Variants in CCDC171 observed in about 807,000 individuals in gnomAD.
The protein encoded by CCDC171 is coiled-coil domain-containing protein 171.
Under a neutral mutation model 168.2 loss-of-function variants are expected in CCDC171, and 177 were observed. The observed-to-expected ratio is 1.05, with a 90% confidence interval of 0.93 to 1.19. The LOEUF (loss-of-function observed/expected upper bound fraction) is 1.19. Among genes scored for constraint, CCDC171 ranks in the 50% most tolerant of loss-of-function variants. CCDC171 has a pLI of 0.00. For missense variants in CCDC171, 1,991 were observed against 1,539.0 expected, an observed-to-expected ratio of 1.29 and a Z score of -4.91; for synonymous variants, 687 against 540.8, an observed-to-expected ratio of 1.27 and a Z score of -3.75.
At chr9:15,951,506 C>T (rs983701149) in intron 25 of CCDC171, among the ~76,000 whole-genome samples, 1 of 150,390 alleles carries the variant, frequency 6.6e-6, no homozygotes, top group Admixed American at 6.7e-5. Flanking sequence ...CCTGCCAACA[C>T]TTGTGATTAT....
intron 21 of CCDC171, among the ~76,000 whole-genome samples, chr9:15,794,899 C>G (rs6474974): frequency 0.45 from 68,954 of 152,036 alleles, 15,974 homozygotes; most frequent in East Asian, 0.65. Flanking sequence ...GATCTGTAGT[C>G]TTAATTGGAA....
intron 25 of CCDC171, among the ~76,000 whole-genome samples, chr9:15,936,593 A>C (rs1321346006): frequency 6.6e-6 from 1 of 151,940 alleles, no homozygotes; most frequent in African/African-American, 2.4e-5. Flanking sequence ...GCATTTCAAC[A>C]GTTGTATGTT....
At chr9:15,737,365 T>C (rs12377371) in intron 16 of CCDC171, among the ~76,000 whole-genome samples, 2 of 152,010 alleles carry the variant, frequency 1.3e-5, no homozygotes, top group African/African-American at 4.8e-5. Context: ...AAAAGAATGC[T>C]ATACATTTAG....
At chr9:15,712,505 C>G (rs1385803623) in intron 11 of CCDC171, among the ~76,000 whole-genome samples, 1 of 152,146 alleles carries the variant, frequency 6.6e-6, no homozygotes, top group Non-Finnish European at 1.5e-5. Flanking sequence ...AATGCATTCT[C>G]TGATCAGAAG....
chr9:15,947,127 T>C (rs1023805158), intron 25 of CCDC171, among the ~76,000 whole-genome samples: 5 of 152,036 alleles, frequency 3.3e-5, no homozygotes, highest in Admixed American at 6.6e-5. Context: ...ATTTGGATAA[T>C]GGAAGAACAA....
In CCDC171 at chr9:15,874,515, T is replaced by A. The variant is rs766432519; in HGVS notation, c.3469-17T>A. The A allele has an allele frequency of 6.3e-7, 1 of 1,579,614 alleles. No individual in the cohort carries two copies. The highest frequency in any genetic ancestry group is 1.8e-5 in the Admixed American group (1 of 55,842). On this transcript the variant is annotated splice_polypyrimidine_tract_variant and intron_variant, in intron 23 of 25. Coordinates refer to ENST00000380701, the MANE Select transcript of CCDC171 (RefSeq NM_173550.4). Reference sequence around the variant, plus strand: ...TCTGAAGGGGAATTACCATTGATGCTGTTTTTTTCCCTTTAGGTCAGAGAT... The same window carrying A: ...TCTGAAGGGGAATTACCATTGATGCAGTTTTTTTCCCTTTAGGTCAGAGAT...
intron 7 of CCDC171, among the ~76,000 whole-genome samples, chr9:15,648,066 A>G (rs142939394): frequency 0.017 from 2,651 of 152,306 alleles, 77 homozygotes; most frequent in African/African-American, 0.059. Flanking sequence ...AGTGGGCTTC[A>G]TCCCTGGGAT....
intron 6 of CCDC171, among the ~76,000 whole-genome samples, chr9:15,597,516 G>C (rs892360362): frequency 6.6e-6 from 1 of 152,152 alleles, no homozygotes; most frequent in Non-Finnish European, 1.5e-5. Context: ...TGGTGGATAA[G>C]CTTTTTGGTG....
At position 15,652,502 on chromosome 9, in the gene CCDC171, C is replaced by T. The variant is rs1373074596; in HGVS notation, c.823-4625C>T. Among the ~76,000 whole-genome samples the T allele has an allele frequency of 5.3e-5, 8 of 150,674 alleles. No individual in the cohort carries two copies. In the East Asian group the frequency reaches 1.6e-3, roughly 29 times the overall value. On this transcript the variant is annotated intron_variant, in intron 7 of 25. Transcript: ENST00000380701. ...GCTCTGTCACCTGGCTGAATCTTTG[C>T]TTACTGTAACCTCTGCCTCCCAGGC...
chr9:15,802,542 A>G (rs529935305), intron 21 of CCDC171, among the ~76,000 whole-genome samples: 1 of 152,184 alleles, frequency 6.6e-6, no homozygotes, highest in Non-Finnish European at 1.5e-5. Flanking sequence ...TTTGCTAAGG[A>G]TAATGGTCTC....
At chr9:15,595,090 CA>C (rs1402539270) in intron 6 of CCDC171, among the ~76,000 whole-genome samples, 1 of 151,906 alleles carries the variant, frequency 6.6e-6, no homozygotes, top group Non-Finnish European at 1.5e-5. Context: ...TTATGTCTCA[CA>C]AACAACTTTG....
At chr9:16,087,034 G>A in the CCDC171 span, among the ~76,000 whole-genome samples, 8,579 of 152,232 alleles carry the variant, frequency 0.056, 737 homozygotes, top group African/African-American at 0.19. Context: ...ATGTAGTTGT[G>A]CGGTTTTGAG....
At chr9:15,892,510 T>C (rs957911899) in intron 24 of CCDC171, among the ~76,000 whole-genome samples, 13 of 152,194 alleles carry the variant, frequency 8.5e-5, no homozygotes, top group African/African-American at 2.9e-4. Context: ...ATCACGTTTA[T>C]TGATTTGGTT....
chr9:15,974,920 T>A (rs1258370007), downstream of CCDC171, among the ~76,000 whole-genome samples: 1 of 152,054 alleles, frequency 6.6e-6, no homozygotes, highest in African/African-American at 2.4e-5. Context: ...AGGAAGTTGA[T>A]CCTATTTCAC....
chr9:16,043,139 G>A (rs543060862), intron 1 of CCDC171, among the ~76,000 whole-genome samples: 1 of 151,940 alleles, frequency 6.6e-6, no homozygotes, highest in African/African-American at 2.4e-5. Context: ...AGAGAGGTTG[G>A]GGAAAAAAAG....
At chr9:15,670,115 C>A (rs116236318) in intron 9 of CCDC171, among the ~76,000 whole-genome samples, 62 of 152,242 alleles carry the variant, frequency 4.1e-4, no homozygotes, top group Non-Finnish European at 4.1e-4. Flanking sequence ...CCTTAACCTG[C>A]CCTACTCTTG....
chr9:15,623,471 G>T (rs752724747), intron 7 of CCDC171, 58 bp downstream of exon 7: 3 of 505,420 alleles, frequency 5.9e-6, no homozygotes, highest in East Asian at 4.4e-5. Flanking sequence ...ATATGCGCGC[G>T]CGCGCACACA....
At chr9:15,579,628 A>C (rs1464374025) in intron 4 of CCDC171, among the ~76,000 whole-genome samples, 3 of 152,206 alleles carry the variant, frequency 2.0e-5, no homozygotes, top group African/African-American at 7.2e-5. Flanking sequence ...GAGGGACCAG[A>C]AAATGATCAA....
downstream of CCDC171, among the ~76,000 whole-genome samples, chr9:15,976,990 A>T (rs967333819): frequency 1.3e-5 from 2 of 152,218 alleles, no homozygotes; most frequent in African/African-American, 4.8e-5. Context: ...AGCCAAGCAA[A>T]GAAAAGAAAA....
Sources: gnomAD v4.1 joint callset for allele counts (sites outside exome capture counted in the v4.1 genomes callset) on GRCh38, gnomAD v4.1.1 for gene constraint, MANE v1.5 for transcripts, NCBI Gene and HGNC (gene_info 2026-07-23, HGNC 2026-07-21) for gene names.